The following TTC39B variants were observed in gnomAD, a reference collection of about 807,000 sequenced individuals.
The protein encoded by TTC39B is tetratricopeptide repeat protein 39B.
Under a neutral mutation model 96.6 loss-of-function variants are expected in TTC39B, and 92 were observed. The ratio of observed to expected loss-of-function variants is 0.95; its 90% CI spans 0.80 to 1.13. TTC39B has a LOEUF of 1.13. TTC39B is among the 50% of genes most tolerant of loss of function. The pLI, the probability that TTC39B is intolerant of heterozygous loss-of-function variation, is 0.00. For missense variants in TTC39B, 955 were observed against 809.3 expected, an observed-to-expected ratio of 1.18 and a Z score of -2.18; for synonymous variants, 367 against 299.4, an observed-to-expected ratio of 1.23 and a Z score of -2.33.
chr9:15,258,347 C>A (rs1039591982), intron 2 of TTC39B, among the ~76,000 whole-genome samples: 1 of 152,124 alleles, frequency 6.6e-6, no homozygotes, highest in Non-Finnish European at 1.5e-5. Context: ...AAGCTTCTGA[C>A]TTGAACAAAT....
At chr9:15,172,097 T>C in exon 20 of TTC39B, 1 of 1,612,068 alleles carries the variant, frequency 6.2e-7, no homozygotes. Context: ...GGGAGTAATC[T>C]TTGTAGTTGT....
At chr9:15,264,433 C>T (rs1284053095) in intron 2 of TTC39B, among the ~76,000 whole-genome samples, 1 of 152,040 alleles carries the variant, frequency 6.6e-6, no homozygotes, top group East Asian at 1.9e-4. Context: ...GCAGGTGGAT[C>T]ACCTGAGGTC....
chr9:15,274,921 T>C (rs895329651), intron 1 of TTC39B, among the ~76,000 whole-genome samples: 2 of 152,220 alleles, frequency 1.3e-5, no homozygotes, highest in African/African-American at 4.8e-5. Flanking sequence ...TTAGAAATTT[T>C]TAAACATTCA....
At chr9:15,203,860 T>A in exon 7 of TTC39B, 1 of 1,613,394 alleles carries the variant, frequency 6.2e-7, no homozygotes, top group Non-Finnish European at 8.5e-7. Flanking sequence ...TAGGAGACAC[T>A]CGGCATAACA....
chr9:15,254,483 T>C (rs1428726753), intron 2 of TTC39B, among the ~76,000 whole-genome samples: 1 of 152,192 alleles, frequency 6.6e-6, no homozygotes, highest in Non-Finnish European at 1.5e-5. Flanking sequence ...TTTGCAGTTT[T>C]ACAAAATGCT....
intron 6 of TTC39B, among the ~76,000 whole-genome samples, chr9:15,206,646 T>A (rs1819872717): frequency 6.6e-6 from 1 of 152,200 alleles, no homozygotes; most frequent in South Asian, 2.1e-4. Context: ...TAATGTTAGC[T>A]AAGCTAAATA....
At chr9:15,300,924 C>T (rs890849433) in intron 1 of TTC39B, among the ~76,000 whole-genome samples, 2 of 148,234 alleles carry the variant, frequency 1.3e-5, no homozygotes, top group African/African-American at 5.0e-5. Context: ...AAAAACCTTC[C>T]AGGTTCCCAT....
chr9:15,180,606 G>T (rs1003851129), intron 17 of TTC39B, among the ~76,000 whole-genome samples: 2 of 152,176 alleles, frequency 1.3e-5, no homozygotes, highest in Non-Finnish European at 2.9e-5. Flanking sequence ...AATAATGGGG[G>T]TGGGGGATGG....
intron 2 of TTC39B, among the ~76,000 whole-genome samples, chr9:15,228,601 TCTAA>T (rs1454277472): frequency 2.0e-5 from 3 of 152,214 alleles, no homozygotes; most frequent in Non-Finnish European, 2.9e-5. Flanking sequence ...CCAACTCACC[TCTAA>T]CTAAGAACTT....
At chr9:15,301,530 G>A (rs1371295449) in intron 1 of TTC39B, among the ~76,000 whole-genome samples, 2 of 152,148 alleles carry the variant, frequency 1.3e-5, no homozygotes, top group Non-Finnish European at 1.5e-5. Context: ...CCAGGTGGGC[G>A]AATCACCTTT....
chr9:15,229,773 T>C (rs1352543415), intron 2 of TTC39B, among the ~76,000 whole-genome samples: 3 of 152,244 alleles, frequency 2.0e-5, no homozygotes, highest in Non-Finnish European at 2.9e-5. Flanking sequence ...CACACCGTTT[T>C]TATTATCATG....
intron 18 of TTC39B, among the ~76,000 whole-genome samples, chr9:15,176,944 G>A (rs76724127): frequency 0.013 from 2,045 of 152,232 alleles, 28 homozygotes; most frequent in Non-Finnish European, 0.021. Flanking sequence ...TGCTACTGAG[G>A]GGGAATAAAA....
chr9:15,223,899 C>G (rs1289893636), intron 3 of TTC39B, among the ~76,000 whole-genome samples: 1 of 151,970 alleles, frequency 6.6e-6, no homozygotes, highest in Non-Finnish European at 1.5e-5. Flanking sequence ...GGATGCCCAC[C>G]CTGTGCTATC....
chr9:15,183,206 C>G (rs1358124469), intron 16 of TTC39B: 1 of 305,612 alleles, frequency 3.3e-6, no homozygotes, highest in Non-Finnish European at 6.4e-6. Context: ...GAGGACGACA[C>G]ACTCAAGTAG....
chr9:15,278,166 T>C (rs1379797214), intron 1 of TTC39B, among the ~76,000 whole-genome samples: 1 of 152,182 alleles, frequency 6.6e-6, no homozygotes, highest in African/African-American at 2.4e-5. Flanking sequence ...GAGCTGCAGC[T>C]TAAGGCAGGG....
chr9:15,239,593 G>C (rs752234801), intron 2 of TTC39B, among the ~76,000 whole-genome samples: 1 of 152,190 alleles, frequency 6.6e-6, no homozygotes, highest in Non-Finnish European at 1.5e-5. Context: ...CCACAAAAAG[G>C]AATGAAATCA....
At position 15,225,990 on chromosome 9, in the gene TTC39B, T is replaced by C. The variant is rs1241538536; in HGVS notation, c.298A>G (p.Thr100Ala). The C allele has an allele frequency of 6.2e-7, 1 of 1,613,784 alleles. No homozygotes were observed. The highest frequency in any genetic ancestry group is 1.3e-5 in the African/African-American group (1 of 74,948). The change falls in exon 3 of 20, where the codon ACA (threonine) becomes GCA (alanine). Residue 100 changes from threonine (T) to alanine (A), a missense_variant. By Grantham distance (58) the Thr-to-Ala change is moderately conservative. Transcript: ENST00000512701. ...CATGATGCAAAGTGAAGGCTGCTTG[T>C]TGCCATATCTGAGTGAGAAGATCTG...
chr9:15,211,201 T>C (rs1820177251), intron 5 of TTC39B, 65 bp downstream of exon 5: 4 of 1,389,874 alleles, frequency 2.9e-6, no homozygotes, highest in Non-Finnish European at 3.8e-6. Context: ...GCAAATGACA[T>C]TATTTTTGTC....
At chr9:15,217,393 T>C (rs1282747759) in intron 3 of TTC39B, among the ~76,000 whole-genome samples, 1 of 152,078 alleles carries the variant, frequency 6.6e-6, no homozygotes, top group Admixed American at 6.5e-5. Flanking sequence ...CCTGGGAGGA[T>C]ACACTATACA....
Sources: allele counts gnomAD v4.1 joint callset (sites outside exome capture counted in the v4.1 genomes callset), GRCh38; gene constraint gnomAD v4.1.1; transcripts MANE v1.5; gene names NCBI Gene and HGNC (gene_info 2026-07-23, HGNC 2026-07-21).